ATP6V1H: variants seen among roughly 807,000 people sequenced by gnomAD.
ATP6V1H encodes the protein ATPase H+ transporting V1 subunit H.
A neutral mutation model predicts 71.7 loss-of-function variants in ATP6V1H; 39 were observed. The ratio of observed to expected loss-of-function variants is 0.54; its 90% CI spans 0.42 to 0.71. The LOEUF is 0.71. Among genes scored for constraint, ATP6V1H ranks in the 30% least tolerant of loss-of-function variants. ATP6V1H has a pLI of 0.00. For missense variants in ATP6V1H, 509 were observed against 594.9 expected (o/e 0.86, Z 1.50); for synonymous variants, 192 against 199.3 (o/e 0.96, Z 0.31).
At chr8:53,834,838 A>G (rs566007250) in intron 2 of ATP6V1H, among the ~76,000 whole-genome samples, 11 of 151,576 alleles carry the variant, frequency 7.3e-5, no homozygotes, top group Non-Finnish European at 1.2e-4. Flanking sequence ...AATGTAAAGC[A>G]GGTTCCCACT....
chr8:53,766,321 C>T (rs1284057810), intron 11 of ATP6V1H, among the ~76,000 whole-genome samples: 2 of 152,198 alleles, frequency 1.3e-5, no homozygotes, highest in Non-Finnish European at 2.9e-5. Flanking sequence ...CCAATCAATA[C>T]CCTTGTGATT....
chr8:53,760,236 CAG>C (rs1263624698), intron 11 of ATP6V1H, among the ~76,000 whole-genome samples: 3 of 152,144 alleles, frequency 2.0e-5, no homozygotes, highest in African/African-American at 7.2e-5. Flanking sequence ...TGCAAAGTGG[CAG>C]AGTTTAACCA....
Position 53,715,996 on chromosome 8 carries a change from C to A in ATP6V1H, c.1420G>T (p.Glu474Ter), listed in dbSNP as rs374452313. The A allele has an allele frequency of 4.4e-6, 7 of 1,606,598 alleles. No homozygotes were observed. In the African/African-American group the frequency reaches 9.4e-5, roughly 21 times the overall value. The change falls in exon 14 of 14, where the codon GAG becomes TAG. Residue 474 changes from glutamate (E) to a stop codon, truncating the protein, a stop_gained. Coordinates refer to ENST00000359530, the MANE Select transcript of ATP6V1H (RefSeq NM_015941.4). LOFTEE classifies it high-confidence loss of function. ...WEYLGKQLQS[E>*]QPQTAAARS Reference sequence around the variant, plus strand: ...CGGGCGGCAGCGGTCTGGGGCTGCTCGGACTGGAGCTGCTTGCCAAGGTAT... The same window carrying A: ...CGGGCGGCAGCGGTCTGGGGCTGCTAGGACTGGAGCTGCTTGCCAAGGTAT...
intron 13 of ATP6V1H, among the ~76,000 whole-genome samples, chr8:53,736,755 A>C (rs1807218549): frequency 1.3e-5 from 2 of 152,232 alleles, no homozygotes; most frequent in Admixed American, 6.5e-5. Flanking sequence ...CTAATAAGTG[A>C]GATTCTCACA....
chr8:53,738,487 T>G (rs575327522), intron 13 of ATP6V1H, among the ~76,000 whole-genome samples: 22 of 152,352 alleles, frequency 1.4e-4, no homozygotes, highest in African/African-American at 4.8e-4. Context: ...TACACTTTAT[T>G]GATCCTTTAA....
intron 10 of ATP6V1H, among the ~76,000 whole-genome samples, chr8:53,770,865 G>A (rs1477495159): frequency 2.0e-5 from 3 of 152,200 alleles, no homozygotes; most frequent in Non-Finnish European, 4.4e-5. Context: ...ATGTATAGCT[G>A]TGAAGCCTAT....
At chr8:53,729,654 C>T (rs1806949392) in intron 13 of ATP6V1H, among the ~76,000 whole-genome samples, 1 of 152,222 alleles carries the variant, frequency 6.6e-6, no homozygotes, top group South Asian at 2.1e-4. Flanking sequence ...CTGTCCTTCC[C>T]TATCTGGGGA....
chr8:53,751,829 T>C (rs958351443), intron 12 of ATP6V1H, among the ~76,000 whole-genome samples: 38 of 151,934 alleles, frequency 2.5e-4, no homozygotes, highest in African/African-American at 8.5e-4. Flanking sequence ...GCCACCATGC[T>C]TGGCTAATTT....
At chr8:53,798,208 T>G (rs1809803309) in intron 8 of ATP6V1H, among the ~76,000 whole-genome samples, 1 of 152,188 alleles carries the variant, frequency 6.6e-6, no homozygotes, top group Non-Finnish European at 1.5e-5. Flanking sequence ...CTATATAGAT[T>G]AAAATGTGCT....
At chr8:53,756,786 T>G (rs971401129) in intron 11 of ATP6V1H, 130 bp from the exon 12 acceptor site, 3 of 580,662 alleles carry the variant, frequency 5.2e-6, no homozygotes, top group Admixed American at 6.3e-5. Context: ...TTCTAAGGAT[T>G]TCACTATTAG....
chr8:53,719,688 C>T (rs1806548928), intron 13 of ATP6V1H, among the ~76,000 whole-genome samples: 1 of 152,178 alleles, frequency 6.6e-6, no homozygotes, highest in South Asian at 2.1e-4. Flanking sequence ...ACATTCTCCC[C>T]TCTCATTTTA....
chr8:53,809,148 C>A (rs2130457688), intron 7 of ATP6V1H, among the ~76,000 whole-genome samples: 1 of 152,232 alleles, frequency 6.6e-6, no homozygotes, highest in Middle Eastern at 3.4e-3. Flanking sequence ...TGACCTCGGG[C>A]ATGTTGGTAT....
chr8:53,818,599 G>C (rs562703361), intron 4 of ATP6V1H, among the ~76,000 whole-genome samples: 1 of 152,120 alleles, frequency 6.6e-6, no homozygotes, highest in Admixed American at 6.5e-5. Context: ...TTGCTTCATT[G>C]GTAGAGGTAT....
chr8:53,722,746 T>C (rs1205824776), intron 13 of ATP6V1H, among the ~76,000 whole-genome samples: 2 of 152,096 alleles, frequency 1.3e-5, no homozygotes, highest in African/African-American at 4.8e-5. Flanking sequence ...TAAAGGAAAA[T>C]GTGCTGCAAC....
intron 9 of ATP6V1H, among the ~76,000 whole-genome samples, chr8:53,793,316 C>T (rs140607959): frequency 6.6e-6 from 1 of 152,228 alleles, no homozygotes; most frequent in Non-Finnish European, 1.5e-5. Context: ...TAAATCTGCA[C>T]ATTTTTGAAA....
At chr8:53,801,180 AC>A (rs1275721075) in intron 8 of ATP6V1H, among the ~76,000 whole-genome samples, 1 of 152,170 alleles carries the variant, frequency 6.6e-6, no homozygotes, top group Non-Finnish European at 1.5e-5. Flanking sequence ...ATCCTCACCC[AC>A]CAAGCAACTT....
chr8:53,791,526 G>C (rs1809564043), intron 9 of ATP6V1H, among the ~76,000 whole-genome samples: 1 of 152,198 alleles, frequency 6.6e-6, no homozygotes. Context: ...GAAGTCACCT[G>C]GGTCAGGGAA....
intron 9 of ATP6V1H, among the ~76,000 whole-genome samples, chr8:53,775,898 C>G (rs926423850): frequency 6.6e-6 from 1 of 152,368 alleles, no homozygotes; most frequent in African/African-American, 2.4e-5. Context: ...GCCATGCGCT[C>G]GCACTCCTCA....
chr8:53,781,572 T>G (rs575125589), intron 9 of ATP6V1H, among the ~76,000 whole-genome samples: 4 of 152,338 alleles, frequency 2.6e-5, no homozygotes, highest in African/African-American at 9.6e-5. Flanking sequence ...ATTTTGTCTT[T>G]TGTTGCCATT....
Sources: allele counts gnomAD v4.1 joint callset (sites outside exome capture counted in the v4.1 genomes callset), GRCh38; gene constraint gnomAD v4.1.1; transcripts MANE v1.5; gene names NCBI Gene and HGNC (gene_info 2026-07-23, HGNC 2026-07-21).